The following LIMCH1 variants were observed in gnomAD, a reference collection of about 807,000 sequenced individuals.
The protein encoded by LIMCH1 is LIM and calponin homology domains 1.
Under a neutral mutation model 176.5 loss-of-function variants are expected in LIMCH1, and 113 were observed. That is an observed-to-expected ratio of 0.64 (90% CI 0.55 to 0.75). The LOEUF (loss-of-function observed/expected upper bound fraction) is 0.75, where lower values mean the gene tolerates loss of function less well. LIMCH1 is among the 30% of genes least tolerant of loss of function. The pLI, the probability that LIMCH1 is intolerant of heterozygous loss-of-function variation, is 0.00. For missense variants in LIMCH1, 1,674 were observed against 1,814.9 expected (o/e 0.92, Z 1.41); for synonymous variants, 619 against 645.9 (o/e 0.96, Z 0.63).
chr4:41,558,341 G>A (rs556489050), intron 1 of LIMCH1, among the ~76,000 whole-genome samples: 58 of 152,228 alleles, frequency 3.8e-4, no homozygotes, highest in African/African-American at 1.3e-3. Context: ...AAAAAGGGGC[G>A]GTGTATAGGA....
intron 1 of LIMCH1, among the ~76,000 whole-genome samples, chr4:41,460,346 A>G (rs943424454): frequency 6.6e-6 from 1 of 151,582 alleles, no homozygotes; most frequent in Non-Finnish European, 1.5e-5. Flanking sequence ...TGATCATGAC[A>G]TGCTACGTGA....
intron 1 of LIMCH1, among the ~76,000 whole-genome samples, chr4:41,586,535 T>A (rs774006320): frequency 2.0e-5 from 3 of 152,172 alleles, no homozygotes; most frequent in African/African-American, 4.8e-5. Context: ...TGGAAACTGT[T>A]TAATGGAATA....
chr4:41,363,871 G>GA, intron 1 of LIMCH1, among the ~76,000 whole-genome samples: 1 of 152,312 alleles, frequency 6.6e-6, no homozygotes, highest in East Asian at 1.9e-4. Flanking sequence ...ACTCCTAGAG[G>GA]AGACAGCAAA....
intron 1 of LIMCH1, among the ~76,000 whole-genome samples, chr4:41,454,182 T>C (rs2064242869): frequency 6.6e-6 from 1 of 152,152 alleles, no homozygotes; most frequent in African/African-American, 2.4e-5. Flanking sequence ...TCATTAGCAG[T>C]TACATGCACA....
At position 41,605,894 on chromosome 4, in the gene LIMCH1, G is replaced by A. The variant is rs2090640838; in HGVS notation, c.-102G>A. ...TGCTCTTGTGCGTTTTGTTCCACAG[G>A]TATTAGTTACCATTTACTGGCTGGG... On this transcript the variant is annotated splice_region_variant and 5_prime_UTR_variant, in exon 4 of 32. An upstream start codon of the reference 5' UTR is lost. Coordinates refer to ENST00000503057, the MANE Select transcript of LIMCH1 (RefSeq NM_001330672.2). 6.2e-7 allele frequency: 1 copy of A among 1,603,932 alleles called. No individual in the cohort carries two copies.
chr4:41,680,837 T>C (rs1290322349), intron 24 of LIMCH1, 118 bp from the exon 25 acceptor site: 2 of 543,578 alleles, frequency 3.7e-6, no homozygotes, highest in Non-Finnish European at 6.8e-6. Flanking sequence ...CTTTTTAAAA[T>C]GCCCTGCTTG....
At chr4:41,691,244 C>T (rs1041753180) in intron 30 of LIMCH1, among the ~76,000 whole-genome samples, 2 of 152,096 alleles carry the variant, frequency 1.3e-5, no homozygotes, top group African/African-American at 4.8e-5. Context: ...TCACTCTGTC[C>T]CAGGTCACCT....
At chr4:41,671,493 A>C in intron 21 of LIMCH1, 61 bp from the exon 22 acceptor site, 1 of 1,431,038 alleles carries the variant, frequency 7.0e-7, no homozygotes, top group Non-Finnish European at 9.8e-7. Flanking sequence ...GGTCAAAAAC[A>C]AAGACAATTA....
intron 3 of LIMCH1, among the ~76,000 whole-genome samples, chr4:41,529,435 C>A (rs2077023371): frequency 6.6e-6 from 1 of 152,176 alleles, no homozygotes; most frequent in Non-Finnish European, 1.5e-5. Flanking sequence ...TCATGAAATA[C>A]TGTTTGATTT....
At chr4:41,562,655 G>A (rs2082212917) in intron 1 of LIMCH1, among the ~76,000 whole-genome samples, 1 of 152,140 alleles carries the variant, frequency 6.6e-6, no homozygotes, top group Non-Finnish European at 1.5e-5. Context: ...ATAGTCCACT[G>A]TGGCAATGAT....
chr4:41,567,117 G>C (rs980110496), intron 1 of LIMCH1, among the ~76,000 whole-genome samples: 9 of 152,184 alleles, frequency 5.9e-5, no homozygotes, highest in African/African-American at 2.2e-4. Context: ...GTACAAAACT[G>C]ATGGGTCTGC....
intron 24 of LIMCH1, 61 bp downstream of exon 24, chr4:41,680,159 ACT>A (rs1204080446): frequency 2.6e-6 from 3 of 1,132,846 alleles, no homozygotes; most frequent in Non-Finnish European, 3.9e-6. Context: ...GTCTAGCAAC[ACT>A]CTCTGTGTCT....
At chr4:41,387,324 A>G (rs1364250383) in intron 1 of LIMCH1, among the ~76,000 whole-genome samples, 1 of 152,234 alleles carries the variant, frequency 6.6e-6, no homozygotes, top group African/African-American at 2.4e-5. Flanking sequence ...ATGCACGTTG[A>G]TGTAAATGGG....
intron 1 of LIMCH1, among the ~76,000 whole-genome samples, chr4:41,481,021 AT>A (rs548316746): frequency 1.5e-3 from 217 of 145,448 alleles, no homozygotes; most frequent in Middle Eastern, 7.0e-3. Flanking sequence ...TCTTAATTAG[AT>A]TTTTTTTTTT....
At chr4:41,416,203 A>T (rs2059923523) in intron 1 of LIMCH1, among the ~76,000 whole-genome samples, 1 of 152,200 alleles carries the variant, frequency 6.6e-6, no homozygotes, top group African/African-American at 2.4e-5. Flanking sequence ...GTCTCCTGCA[A>T]ATAGCTAATG....
chr4:41,562,480 T>C (rs1010672300), intron 1 of LIMCH1, among the ~76,000 whole-genome samples: 13 of 152,206 alleles, frequency 8.5e-5, no homozygotes, highest in South Asian at 4.1e-4. Context: ...TTTGGTGCAA[T>C]GCTGAGACAA....
intron 21 of LIMCH1, among the ~76,000 whole-genome samples, chr4:41,667,278 C>A (rs1374307203): frequency 6.6e-6 from 1 of 151,206 alleles, no homozygotes; most frequent in Non-Finnish European, 1.5e-5. Flanking sequence ...TTTTTTACTC[C>A]ACAATAATTC....
chr4:41,622,251 G>A (rs146065051), intron 7 of LIMCH1, among the ~76,000 whole-genome samples: 28 of 152,092 alleles, frequency 1.8e-4, no homozygotes, highest in African/African-American at 6.0e-4. Context: ...CCAGAGACTG[G>A]ACTAGATGCT....
intron 8 of LIMCH1, among the ~76,000 whole-genome samples, chr4:41,628,245 T>A (rs1474387474): frequency 1.3e-5 from 2 of 152,060 alleles, no homozygotes; most frequent in African/African-American, 4.8e-5. Flanking sequence ...GCAATTTGAG[T>A]CAGGAAAAGG....
Sources: gnomAD v4.1 joint callset for allele counts (sites outside exome capture counted in the v4.1 genomes callset) on GRCh38, gnomAD v4.1.1 for gene constraint, MANE v1.5 for transcripts, NCBI Gene and HGNC (gene_info 2026-07-23, HGNC 2026-07-21) for gene names.